Variants in LINGO2 observed in about 807,000 individuals in gnomAD.
The protein encoded by LINGO2 is leucine rich repeat and Ig domain containing 2.
Under a neutral mutation model 30.6 loss-of-function variants are expected in LINGO2, and 14 were observed. The ratio of observed to expected loss-of-function variants is 0.46; its 90% CI spans 0.30 to 0.72. The LOEUF is 0.72. Ranked by LOEUF, LINGO2 falls within the 30% of genes least tolerant of loss-of-function variation. LINGO2 has a pLI of 0.07. For synonymous variants in LINGO2, 317 were observed against 288.5 expected, an observed-to-expected ratio of 1.10 and a Z score of -1.00; for missense variants, 729 against 751.7, an observed-to-expected ratio of 0.97 and a Z score of 0.35.
At chr9:28,221,500 A>G (rs1820966790) in intron 4 of LINGO2, among the ~76,000 whole-genome samples, 1 of 152,088 alleles carries the variant, frequency 6.6e-6, no homozygotes, top group South Asian at 2.1e-4. Flanking sequence ...AGTAGAGGGA[A>G]GGTGTTGGGA....
chr9:28,659,243 T>C (rs1588037688), intron 1 of LINGO2, among the ~76,000 whole-genome samples: 1 of 151,944 alleles, frequency 6.6e-6, no homozygotes, highest in South Asian at 2.1e-4. Flanking sequence ...TCACTGAATA[T>C]TTTACAGAAT....
At chr9:28,419,695 G>C (rs1261433478) in intron 2 of LINGO2, among the ~76,000 whole-genome samples, 2 of 151,578 alleles carry the variant, frequency 1.3e-5, no homozygotes, top group African/African-American at 4.8e-5. Flanking sequence ...TCAGCCTTAA[G>C]ACCAATGACA....
chr9:28,123,751 C>T (rs1827163853), intron 4 of LINGO2, among the ~76,000 whole-genome samples: 1 of 151,994 alleles, frequency 6.6e-6, no homozygotes, highest in South Asian at 2.1e-4. Flanking sequence ...GCAAGCTCTG[C>T]CTCCTGGGTT....
At chr9:28,885,280 C>T in the LINGO2 span, among the ~76,000 whole-genome samples, 111,540 of 145,860 alleles carry the variant, frequency 0.76, 43,060 homozygotes, top group Non-Finnish European at 0.82. Context: ...GAAGTGGTGG[C>T]GACCAGAAGC....
intron 1 of LINGO2, among the ~76,000 whole-genome samples, chr9:28,655,492 G>T (rs1828296891): frequency 1.3e-5 from 2 of 152,052 alleles, no homozygotes; most frequent in Non-Finnish European, 2.9e-5. Context: ...GGAAGAACAT[G>T]ATTGTGTTTT....
At chr9:28,961,925 C>G in the LINGO2 span, among the ~76,000 whole-genome samples, 1 of 147,348 alleles carries the variant, frequency 6.8e-6, no homozygotes, top group African/African-American at 2.5e-5. Context: ...AATACTACTT[C>G]TGACTTCATC....
chr9:29,088,059 A>G, the LINGO2 span, among the ~76,000 whole-genome samples: 3 of 152,278 alleles, frequency 2.0e-5, no homozygotes, highest in South Asian at 2.1e-4. Flanking sequence ...TCATCCATAT[A>G]GTAGGTGGCC....
chr9:29,134,356 C>T, the LINGO2 span, among the ~76,000 whole-genome samples: 3 of 152,102 alleles, frequency 2.0e-5, no homozygotes, highest in Non-Finnish European at 4.4e-5. Context: ...CTACTTAAAA[C>T]TTTCAAAATA....
chr9:28,194,562 A>T (rs922151315), intron 4 of LINGO2, among the ~76,000 whole-genome samples: 2 of 22,170 alleles, frequency 9.0e-5, no homozygotes, highest in Non-Finnish European at 1.4e-4. Context: ...TCTCTATCCT[A>T]AAAAAAAAAA....
At chr9:28,009,141 GT>G (rs59012553) in intron 5 of LINGO2, among the ~76,000 whole-genome samples, 130 of 150,220 alleles carry the variant, frequency 8.7e-4, no homozygotes, top group Middle Eastern at 3.4e-3. Context: ...AAAGGGAAAA[GT>G]TTTTTTTTTT....
chr9:27,955,007 T>C (rs906176728), intron 5 of LINGO2, among the ~76,000 whole-genome samples: 3 of 152,194 alleles, frequency 2.0e-5, no homozygotes, highest in African/African-American at 7.2e-5. Context: ...ATTACTGACG[T>C]TGAGCATGCA....
chr9:28,206,419 T>A (rs182091101), intron 4 of LINGO2, among the ~76,000 whole-genome samples: 1 of 152,160 alleles, frequency 6.6e-6, no homozygotes, highest in Non-Finnish European at 1.5e-5. Flanking sequence ...ATAATACTTT[T>A]AAACAGTGCT....
chr9:28,384,858 CAGTT>C (rs897087378), intron 2 of LINGO2, among the ~76,000 whole-genome samples: 4 of 151,820 alleles, frequency 2.6e-5, no homozygotes, highest in Non-Finnish European at 4.4e-5. Context: ...ATTTCAACAA[CAGTT>C]AGCCAGATAT....
chr9:28,046,686 T>A (rs968484429), intron 4 of LINGO2, among the ~76,000 whole-genome samples: 6 of 152,118 alleles, frequency 3.9e-5, no homozygotes, highest in African/African-American at 1.4e-4. Context: ...ATGTCTTATT[T>A]TAACCACACC....
At chr9:28,511,569 A>T (rs1201975509) in intron 1 of LINGO2, among the ~76,000 whole-genome samples, 1 of 152,170 alleles carries the variant, frequency 6.6e-6, no homozygotes, top group Non-Finnish European at 1.5e-5. Flanking sequence ...TATCCAGTTG[A>T]TTATTAAAAT....
chr9:29,022,495 A>G, the LINGO2 span, among the ~76,000 whole-genome samples: 2 of 152,214 alleles, frequency 1.3e-5, no homozygotes, highest in African/African-American at 4.8e-5. Flanking sequence ...TTTTCTTCCA[A>G]AACAGGGACT....
At chr9:28,878,556 T>C in the LINGO2 span, among the ~76,000 whole-genome samples, 1 of 152,172 alleles carries the variant, frequency 6.6e-6, no homozygotes, top group Non-Finnish European at 1.5e-5. Context: ...TTTAGACCAA[T>C]ATCCTTGATG....
In LINGO2 at chr9:28,250,494, A is replaced by G. The variant is rs541343545; in HGVS notation, c.-87+44714T>C. Among the ~76,000 whole-genome samples, 62 of 152,284 alleles carry G rather than the reference A, an allele frequency of 4.1e-4. 1 individual carries two copies. Among genetic ancestry groups the G allele is most frequent in the Middle Eastern group, 3.4e-3 (1 of 294 alleles). On this transcript the variant is annotated intron_variant, in intron 4 of 5. Transcript: ENST00000379992. The stretch of plus-strand genomic sequence containing the variant: ...GCAGACAAAGAAGCCCGAACAAGTC[A>G]GCCTTTTCTAGTGAAAGGACCAGGA...
At chr9:29,069,496 G>C in the LINGO2 span, among the ~76,000 whole-genome samples, 6 of 151,880 alleles carry the variant, frequency 4.0e-5, no homozygotes, top group Non-Finnish European at 2.9e-5. Flanking sequence ...AATATTTATA[G>C]TACACATCCC....
Sources: gnomAD v4.1 joint callset for allele counts (sites outside exome capture counted in the v4.1 genomes callset) on GRCh38, gnomAD v4.1.1 for gene constraint, MANE v1.5 for transcripts, NCBI Gene and HGNC (gene_info 2026-07-23, HGNC 2026-07-21) for gene names.